The following CERS6 variants were observed in gnomAD, a reference collection of about 807,000 sequenced individuals.
The protein encoded by CERS6 is LAG1 homolog, ceramide synthase 6.
A neutral mutation model predicts 56.8 loss-of-function variants in CERS6; 26 were observed. That is an observed-to-expected ratio of 0.46 (90% CI 0.34 to 0.63). The LOEUF (loss-of-function observed/expected upper bound fraction) is 0.63, where lower values mean the gene tolerates loss of function less well. CERS6 is among the 30% of genes least tolerant of loss of function. The pLI, the probability that CERS6 is intolerant of heterozygous loss-of-function variation, is 0.01. For synonymous variants in CERS6, 164 were observed against 173.3 expected (o/e 0.95, Z 0.42); for missense variants, 415 against 467.5 (o/e 0.89, Z 1.04).
At chr2:168,584,093 T>G (rs1473852513) in intron 3 of CERS6, among the ~76,000 whole-genome samples, 2 of 152,214 alleles carry the variant, frequency 1.3e-5, no homozygotes, top group Non-Finnish European at 2.9e-5. Flanking sequence ...AGAGTCAGGA[T>G]CTGTGTGTGA....
chr2:168,726,645 A>C (rs1485915104), intron 8 of CERS6, among the ~76,000 whole-genome samples: 2 of 152,246 alleles, frequency 1.3e-5, no homozygotes, highest in East Asian at 3.8e-4. Flanking sequence ...CATCGGTAAA[A>C]TAATGGTAAA....
intron 1 of CERS6, among the ~76,000 whole-genome samples, chr2:168,510,075 A>G (rs1172693111): frequency 6.6e-6 from 1 of 150,572 alleles, no homozygotes; most frequent in East Asian, 2.0e-4. Context: ...GCAGTACTTG[A>G]TATTTTATAA....
intron 3 of CERS6, among the ~76,000 whole-genome samples, chr2:168,583,839 G>A (rs544280234): frequency 4.9e-4 from 75 of 152,254 alleles, no homozygotes; most frequent in African/African-American, 1.7e-3. Context: ...ACTCTGTGCT[G>A]GCTGCTTTTC....
intron 1 of CERS6, among the ~76,000 whole-genome samples, chr2:168,460,225 C>G (rs1693754434): frequency 6.6e-6 from 1 of 151,170 alleles, no homozygotes; most frequent in African/African-American, 2.4e-5. Flanking sequence ...GACATGTTCT[C>G]CCTCCATCAC....
At chr2:168,584,721 A>G (rs1683499961) in intron 3 of CERS6, among the ~76,000 whole-genome samples, 1 of 152,224 alleles carries the variant, frequency 6.6e-6, no homozygotes, top group Non-Finnish European at 1.5e-5. Flanking sequence ...ATTGAGAGGT[A>G]CTCATTGGCA....
At chr2:168,539,635 G>T (rs561537896) in intron 1 of CERS6, among the ~76,000 whole-genome samples, 15 of 152,284 alleles carry the variant, frequency 9.9e-5, no homozygotes, top group Non-Finnish European at 1.9e-4. Context: ...GTCTAAACAT[G>T]CACCTGCATA....
intron 1 of CERS6, among the ~76,000 whole-genome samples, chr2:168,512,622 C>G (rs183250949): frequency 2.0e-5 from 3 of 150,986 alleles, no homozygotes; most frequent in African/African-American, 7.3e-5. Flanking sequence ...TCTTGAGTCT[C>G]TATGAGAGTA....
intron 1 of CERS6, among the ~76,000 whole-genome samples, chr2:168,499,386 A>G (rs1217672771): frequency 6.6e-6 from 1 of 152,258 alleles, no homozygotes; most frequent in African/African-American, 2.4e-5. Flanking sequence ...TATATAGAAC[A>G]CAAGCATTTT....
At chr2:168,600,563 C>T (rs889013958) in intron 3 of CERS6, among the ~76,000 whole-genome samples, 1 of 152,182 alleles carries the variant, frequency 6.6e-6, no homozygotes, top group Non-Finnish European at 1.5e-5. Flanking sequence ...TTGCCCCAGA[C>T]CCTTTTCATA....
At chr2:168,522,847 C>T (rs752826752) in intron 1 of CERS6, among the ~76,000 whole-genome samples, 88 of 152,242 alleles carry the variant, frequency 5.8e-4, no homozygotes, top group Non-Finnish European at 9.0e-4. Flanking sequence ...CTGTGCCTGG[C>T]CCCTGAAATT....
At chr2:168,686,804 G>T (rs1686365299) in intron 4 of CERS6, among the ~76,000 whole-genome samples, 1 of 152,128 alleles carries the variant, frequency 6.6e-6, no homozygotes, top group African/African-American at 2.4e-5. Flanking sequence ...CTCTGAGACT[G>T]TCTACAAAAT....
At position 168,609,218 on chromosome 2, in the gene CERS6, C is replaced by T. The variant is rs946348693; in HGVS notation, c.408-21767C>T. 2.8e-4 allele frequency among the ~76,000 whole-genome samples: 43 copies of T among 152,212 alleles called. 1 individual carries two copies. Among genetic ancestry groups the T allele is most frequent in the Non-Finnish European group, 1.5e-5 (1 of 68,036 alleles). Reference sequence around the variant, plus strand: ...CCCACCTACCCACTGCAGTCTTAAACTCTTGGGCTCAAGGGATCCTCCCGC... The same window carrying T: ...CCCACCTACCCACTGCAGTCTTAAATTCTTGGGCTCAAGGGATCCTCCCGC... On this transcript the variant is annotated intron_variant, in intron 3 of 9. Transcript: ENST00000305747.
At chr2:168,563,831 G>T (rs986098930) in intron 3 of CERS6, among the ~76,000 whole-genome samples, 2 of 152,252 alleles carry the variant, frequency 1.3e-5, no homozygotes, top group Admixed American at 6.5e-5. Flanking sequence ...TGTGTTGTAG[G>T]ATTGATATGG....
At chr2:168,663,340 T>C (rs1559042045) in intron 4 of CERS6, among the ~76,000 whole-genome samples, 1 of 152,192 alleles carries the variant, frequency 6.6e-6, no homozygotes, top group African/African-American at 2.4e-5. Flanking sequence ...CAAAAGGTCA[T>C]AGGAAAATAT....
chr2:168,579,555 C>A, intron 3 of CERS6, among the ~76,000 whole-genome samples: 1 of 152,130 alleles, frequency 6.6e-6, no homozygotes. Flanking sequence ...TCCACACCCC[C>A]TTTTCTTCTA....
intron 3 of CERS6, among the ~76,000 whole-genome samples, chr2:168,617,405 G>T (rs926369622): frequency 6.6e-6 from 1 of 151,906 alleles, no homozygotes. Context: ...AAATGAAATT[G>T]AAACAAAAAA....
chr2:168,748,125 G>A (rs193042848), intron 8 of CERS6, among the ~76,000 whole-genome samples: 2 of 152,304 alleles, frequency 1.3e-5, no homozygotes, highest in East Asian at 3.9e-4. Flanking sequence ...CTAACCTTCT[G>A]ACAAGGAGCT....
At chr2:168,757,526 C>T (rs1000641610) in intron 8 of CERS6, among the ~76,000 whole-genome samples, 1 of 152,106 alleles carries the variant, frequency 6.6e-6, no homozygotes, top group Non-Finnish European at 1.5e-5. Flanking sequence ...ATAACGTGCA[C>T]TGCTAAATGA....
At chr2:168,614,890 G>A (rs183322084) in intron 3 of CERS6, among the ~76,000 whole-genome samples, 1 of 152,096 alleles carries the variant, frequency 6.6e-6, no homozygotes, top group East Asian at 1.9e-4. Flanking sequence ...TCTTCAAAGC[G>A]CCACCTCCTG....
Sources: allele counts gnomAD v4.1 joint callset (sites outside exome capture counted in the v4.1 genomes callset), GRCh38; gene constraint gnomAD v4.1.1; transcripts MANE v1.5; gene names NCBI Gene and HGNC (gene_info 2026-07-23, HGNC 2026-07-21).